The following IL1RAPL2 variants were observed in gnomAD, a reference collection of about 807,000 sequenced individuals.
IL1RAPL2 encodes the protein X-linked interleukin-1 receptor accessory protein-like 2.
Under a neutral mutation model 44.1 loss-of-function variants are expected in IL1RAPL2, and 3 were observed. That is an observed-to-expected ratio of 0.07 (90% CI 0.03 to 0.18). The LOEUF (loss-of-function observed/expected upper bound fraction) is 0.18, where lower values mean the gene tolerates loss of function less well. IL1RAPL2 is among the 10% of genes least tolerant of loss of function. IL1RAPL2 has a pLI of 1.00. For synonymous variants in IL1RAPL2, 181 were observed against 178.8 expected (o/e 1.01, Z -0.10); for missense variants, 391 against 496.4 (o/e 0.79, Z 2.02).
At chrX:104,602,005 T>A (rs1488720668) in intron 1 of IL1RAPL2, among the ~76,000 whole-genome samples, 1 of 111,700 alleles carries the variant, frequency 9.0e-6, no homozygotes, top group Non-Finnish European at 1.9e-5. Context: ...CCACCAACAG[T>A]AGATTGGATA....
intron 6 of IL1RAPL2, among the ~76,000 whole-genome samples, chrX:105,488,377 A>G (rs1194070377): frequency 8.9e-6 from 1 of 112,024 alleles, no homozygotes; most frequent in Non-Finnish European, 1.9e-5. Flanking sequence ...AGAGAGGTCA[A>G]CTAGCACCAA....
In IL1RAPL2 at chrX:104,951,663, G is replaced by T. The variant is rs578188909; in HGVS notation, c.83-243812G>T. 6.2e-5 allele frequency among the ~76,000 whole-genome samples: 7 copies of T among 112,547 alleles called. No homozygotes were observed. The South Asian group carries it at 2.6e-3, about 41-fold the overall frequency. ...GTTTAAGAGCATTGGCTTTGCAATG[G>T]AATAGACATGGGTTTGGTTTCCCAT... On this transcript the variant is annotated intron_variant, in intron 2 of 10. Coordinates refer to ENST00000372582, the MANE Select transcript of IL1RAPL2 (RefSeq NM_017416.2).
At chrX:105,498,343 G>A (rs779486245) in intron 6 of IL1RAPL2, among the ~76,000 whole-genome samples, 2 of 111,669 alleles carry the variant, frequency 1.8e-5, no homozygotes, top group Admixed American at 1.9e-4. Context: ...AACTAAGGAG[G>A]TGAACGATCT....
intron 1 of IL1RAPL2, among the ~76,000 whole-genome samples, chrX:104,636,276 G>T (rs933595520): frequency 9.8e-5 from 11 of 112,216 alleles, no homozygotes; most frequent in African/African-American, 3.6e-4. Context: ...TCCCAGTTAG[G>T]CTACTCAGGG....
chrX:105,307,291 C>A (rs2034747024), intron 5 of IL1RAPL2, among the ~76,000 whole-genome samples: 1 of 94,887 alleles, frequency 1.1e-5, no homozygotes, highest in Non-Finnish European at 2.0e-5. Context: ...TTTAAATTAG[C>A]TAGGCATGGT....
Position 105,502,854 on chromosome X carries a change from G to T in IL1RAPL2, c.772+18467G>T, listed in dbSNP as rs188095450. Among the ~76,000 whole-genome samples the T allele has an allele frequency of 5.5e-5, 6 of 108,986 alleles. No individual in the cohort carries two copies. In the East Asian group the frequency reaches 1.7e-3, roughly 32 times the overall value. The allele number at this position is 108,986 out of a possible 115,157, so 94.6% of individuals were successfully genotyped here. On this transcript the variant is annotated intron_variant, in intron 6 of 10. Transcript: ENST00000372582. ...ACACAAACCACTTTGACCAAAATCA[G>T]TGCTTTAAAAAAAAATGCAAATGTA... is the stretch of plus-strand genomic sequence containing the variant.
At chrX:105,365,076 C>T (rs1169040073) in intron 5 of IL1RAPL2, among the ~76,000 whole-genome samples, 3 of 111,588 alleles carry the variant, frequency 2.7e-5, no homozygotes, top group African/African-American at 9.7e-5. Context: ...TACATTCCTT[C>T]TATACCAATT....
At position 105,356,482 on chromosome X, in the gene IL1RAPL2, G is replaced by A. The variant is rs187036429; in HGVS notation, c.697+88941G>A. Among the ~76,000 whole-genome samples the A allele has an allele frequency of 4.5e-3, 497 of 111,306 alleles. 1 individual carries two copies. The highest frequency in any genetic ancestry group is 0.019 in the Middle Eastern group (4 of 215). Reference sequence around the variant, plus strand: ...ATTGTTCAACAAAATATCTCATAAGGCAGGAAGCTTCTTTTCTGTTTTCTG... The same window carrying A: ...ATTGTTCAACAAAATATCTCATAAGACAGGAAGCTTCTTTTCTGTTTTCTG... On this transcript the variant is annotated intron_variant, in intron 5 of 10. Coordinates refer to ENST00000372582, the MANE Select transcript of IL1RAPL2 (RefSeq NM_017416.2).
At chrX:105,579,771 A>G (rs1468826611) in intron 6 of IL1RAPL2, among the ~76,000 whole-genome samples, 1 of 111,954 alleles carries the variant, frequency 8.9e-6, no homozygotes, top group African/African-American at 3.2e-5. Flanking sequence ...CTGGCTCTAT[A>G]TAATACCACC....
intron 9 of IL1RAPL2, among the ~76,000 whole-genome samples, chrX:105,749,358 C>A (rs2038577996): frequency 1.8e-5 from 2 of 111,920 alleles, no homozygotes; most frequent in Admixed American, 1.9e-4. Flanking sequence ...TATTCCTATA[C>A]ATTTGACTTT....
In IL1RAPL2 at chrX:105,225,701, T is replaced by C. The variant is rs781876886; in HGVS notation, c.357-8117T>C. Among the ~76,000 whole-genome samples, 572 of 110,076 alleles carry C rather than the reference T, an allele frequency of 5.2e-3. 4 individuals carry two copies. The highest frequency in any genetic ancestry group is 0.018 in the African/African-American group (549 of 30,170). On this transcript the variant is annotated intron_variant, in intron 3 of 10. Transcript: ENST00000372582. ...TTTATTTTATTTTATTTTATTTTTT[T>C]TTCTGAGACAGAGTCTCCTCTGTCA...
intron 1 of IL1RAPL2, among the ~76,000 whole-genome samples, chrX:104,576,571 T>A (rs1928248017): frequency 9.0e-6 from 1 of 111,666 alleles, no homozygotes; most frequent in Admixed American, 9.5e-5. Context: ...TGACCAAAGA[T>A]AATTGCATTT....
At chrX:105,160,438 T>C (rs768350008) in intron 2 of IL1RAPL2, among the ~76,000 whole-genome samples, 5 of 111,398 alleles carry the variant, frequency 4.5e-5, no homozygotes, top group African/African-American at 1.3e-4. Flanking sequence ...CTGCACAATT[T>C]AGGGGCACTC....
intron 4 of IL1RAPL2, among the ~76,000 whole-genome samples, chrX:105,258,130 A>G (rs1375674472): frequency 3.6e-5 from 4 of 111,890 alleles, no homozygotes. Flanking sequence ...TCTGGTGGTA[A>G]TGAATTCCCT....
At chrX:105,356,140 G>A (rs1223341370) in intron 5 of IL1RAPL2, among the ~76,000 whole-genome samples, 4 of 104,003 alleles carry the variant, frequency 3.8e-5, no homozygotes, top group Non-Finnish European at 5.7e-5. Context: ...CTGCTGTGGG[G>A]TGTGTGTGTA....
At chrX:105,377,501 A>C (rs2035397225) in intron 5 of IL1RAPL2, among the ~76,000 whole-genome samples, 2 of 110,751 alleles carry the variant, frequency 1.8e-5, no homozygotes, top group Non-Finnish European at 3.8e-5. Context: ...CTGTTTGTTA[A>C]TCTGATCTTT....
rs1332871420 is a variant in IL1RAPL2 at position 104,972,225 on chromosome X, C to T, written c.83-223250C>T. Among the ~76,000 whole-genome samples, 3 of 111,985 alleles carry T rather than the reference C, an allele frequency of 2.7e-5. No homozygotes were observed. The East Asian group carries it at 8.4e-4, about 31-fold the overall frequency. ...CCACCATATATGGGTTCCTCACTCT[C>T]AAGTGGAATCCCATTTACCTTGCTC... On this transcript the variant is annotated intron_variant, in intron 2 of 10. Transcript: ENST00000372582.
At chrX:105,471,879 T>C (rs1427142717) in intron 5 of IL1RAPL2, among the ~76,000 whole-genome samples, 2 of 111,801 alleles carry the variant, frequency 1.8e-5, no homozygotes, top group Non-Finnish European at 3.8e-5. Flanking sequence ...CCTGACCACT[T>C]TTTGACTAAA....
chrX:105,692,167 C>G (rs759113208), intron 6 of IL1RAPL2, among the ~76,000 whole-genome samples: 1 of 111,887 alleles, frequency 8.9e-6, no homozygotes, highest in South Asian at 3.8e-4. Flanking sequence ...ACAAACATCA[C>G]CATTACTATG....
Sources: allele counts gnomAD v4.1 joint callset (sites outside exome capture counted in the v4.1 genomes callset), GRCh38; gene constraint gnomAD v4.1.1; transcripts MANE v1.5; gene names NCBI Gene and HGNC (gene_info 2026-07-23, HGNC 2026-07-21).